The following NCOA1 variants were observed in gnomAD, a reference collection of about 807,000 sequenced individuals.
NCOA1 encodes the protein nuclear receptor coactivator 1.
A neutral mutation model predicts 150.9 loss-of-function variants in NCOA1; 35 were observed. The ratio of observed to expected loss-of-function variants is 0.23; its 90% confidence interval spans 0.18 to 0.31. The LOEUF is 0.31. Among genes scored for constraint, NCOA1 ranks in the 10% least tolerant of loss-of-function variants. The pLI is 1.00. For synonymous variants in NCOA1, 590 were observed against 630.0 expected (o/e 0.94, Z 0.95); for missense variants, 1,491 against 1,749.3 (o/e 0.85, Z 2.63).
chr2:24,756,179 A>T (rs564754343), intron 20 of NCOA1, among the ~76,000 whole-genome samples: 11 of 151,968 alleles, frequency 7.2e-5, no homozygotes, highest in African/African-American at 2.7e-4. Context: ...ACTTGAACCC[A>T]GGAGGCAGAG....
chr2:24,506,430 C>G (rs979151633), intron 1 of NCOA1, among the ~76,000 whole-genome samples: 1 of 152,066 alleles, frequency 6.6e-6, no homozygotes, highest in African/African-American at 2.4e-5. Context: ...GAAACTCTTG[C>G]TTTGAGGACT....
At chr2:24,610,857 C>T (rs1432737042) in intron 3 of NCOA1, among the ~76,000 whole-genome samples, 1 of 150,988 alleles carries the variant, frequency 6.6e-6, no homozygotes, top group Non-Finnish European at 1.5e-5. Flanking sequence ...CAGTGCATTC[C>T]TCCAGGGAAG....
chr2:24,606,165 CTT>C (rs893052188), intron 3 of NCOA1, among the ~76,000 whole-genome samples: 1 of 151,882 alleles, frequency 6.6e-6, no homozygotes. Context: ...TGGGATTTCT[CTT>C]TTGTTTCCTT....
chr2:24,630,948 CATT>C (rs1025607927), intron 3 of NCOA1, among the ~76,000 whole-genome samples: 4 of 152,096 alleles, frequency 2.6e-5, no homozygotes, highest in Non-Finnish European at 5.9e-5. Context: ...ATGTTTTTAA[CATT>C]AATATGGATG....
At chr2:24,493,187 C>T (rs919084796) in intron 1 of NCOA1, among the ~76,000 whole-genome samples, 1 of 152,160 alleles carries the variant, frequency 6.6e-6, no homozygotes, top group African/African-American at 2.4e-5. Flanking sequence ...GAACTATTTG[C>T]CATAAATTAG....
chr2:24,760,430 T>G (rs866816418), intron 21 of NCOA1, among the ~76,000 whole-genome samples: 1 of 151,882 alleles, frequency 6.6e-6, no homozygotes, highest in African/African-American at 2.4e-5. Flanking sequence ...GTGCTGGGAT[T>G]ACAGGCGTGA....
At chr2:24,708,741 G>A (rs1673587168) in intron 13 of NCOA1, among the ~76,000 whole-genome samples, 1 of 152,154 alleles carries the variant, frequency 6.6e-6, no homozygotes, top group Non-Finnish European at 1.5e-5. Context: ...GTATGCATAG[G>A]TCCTTCGGTT....
chr2:24,500,274 A>G (rs892767847), intron 1 of NCOA1, among the ~76,000 whole-genome samples: 4 of 151,852 alleles, frequency 2.6e-5, no homozygotes, highest in Admixed American at 2.0e-4. Context: ...ATGCCTGGCT[A>G]ATTTTGTATT....
At chr2:24,721,094 C>CT (rs1424048943) in intron 14 of NCOA1, among the ~76,000 whole-genome samples, 1 of 152,204 alleles carries the variant, frequency 6.6e-6, no homozygotes, top group Non-Finnish European at 1.5e-5. Flanking sequence ...GAGAGAATCT[C>CT]TGAGCTCAAC....
At chr2:24,573,806 G>A (rs534114194) in intron 2 of NCOA1, among the ~76,000 whole-genome samples, 1 of 151,610 alleles carries the variant, frequency 6.6e-6, no homozygotes, top group South Asian at 2.1e-4. Context: ...AATAAATACC[G>A]GGTCAAACAG....
chr2:24,542,307 G>T (rs1175880202), intron 1 of NCOA1, among the ~76,000 whole-genome samples: 3 of 152,106 alleles, frequency 2.0e-5, no homozygotes, highest in African/African-American at 7.2e-5. Context: ...GATGTTCAAG[G>T]ATAAGAGGGA....
intron 14 of NCOA1, among the ~76,000 whole-genome samples, chr2:24,721,765 C>G (rs138663840): frequency 1.3e-5 from 2 of 152,358 alleles, no homozygotes; most frequent in Non-Finnish European, 2.9e-5. Flanking sequence ...CAAATGACCA[C>G]TGAGCCTGGA....
intron 1 of NCOA1, among the ~76,000 whole-genome samples, chr2:24,516,921 T>TGC (rs1455119041): frequency 5.8e-5 from 5 of 86,244 alleles, no homozygotes; most frequent in African/African-American, 1.3e-4. Context: ...CATGTGTGTG[T>TGC]GCGCGCGTGT....
chr2:24,702,643 C>A (rs1001212557), intron 11 of NCOA1, among the ~76,000 whole-genome samples: 1 of 152,118 alleles, frequency 6.6e-6, no homozygotes, highest in Non-Finnish European at 1.5e-5. Context: ...GTTAAAGGTT[C>A]TTTGGAAGGA....
At chr2:24,601,612 CTTTT>C (rs112063269) in intron 3 of NCOA1, among the ~76,000 whole-genome samples, 1 of 131,986 alleles carries the variant, frequency 7.6e-6, no homozygotes, top group African/African-American at 2.7e-5. Context: ...CTCCTTCCTC[CTTTT>C]TTTTTTTTTT....
At chr2:24,686,526 C>T (rs1672413071) in intron 8 of NCOA1, among the ~76,000 whole-genome samples, 1 of 152,226 alleles carries the variant, frequency 6.6e-6, no homozygotes, top group Admixed American at 6.5e-5. Context: ...CCTCCTCCCA[C>T]ACACAAAATA....
chr2:24,757,413 G>T (rs1664556535), intron 20 of NCOA1, among the ~76,000 whole-genome samples: 1 of 152,068 alleles, frequency 6.6e-6, no homozygotes. Flanking sequence ...TTATTCATCA[G>T]GTATTTACTG....
intron 1 of NCOA1, among the ~76,000 whole-genome samples, chr2:24,524,697 T>G (rs973754323): frequency 3.3e-5 from 5 of 151,282 alleles, no homozygotes; most frequent in Non-Finnish European, 5.9e-5. Context: ...AACCTCCACC[T>G]CCCGGGTTCA....
intron 21 of NCOA1, 70 bp downstream of exon 21, chr2:24,758,226 T>A: frequency 7.1e-7 from 1 of 1,401,674 alleles, no homozygotes; most frequent in South Asian, 1.6e-5. Flanking sequence ...TCAGGTATGT[T>A]GACAGTTACT....
Sources: allele counts gnomAD v4.1 joint callset (sites outside exome capture counted in the v4.1 genomes callset), GRCh38; gene constraint gnomAD v4.1.1; transcripts MANE v1.5; gene names NCBI Gene and HGNC (gene_info 2026-07-23, HGNC 2026-07-21).